Variants in GAB1 observed in about 807,000 individuals in gnomAD.
GAB1 encodes GRB2 associated binding protein 1.
Under a neutral mutation model 66.5 loss-of-function variants are expected in GAB1, and 19 were observed. The observed-to-expected ratio is 0.29, with a 90% CI of 0.20 to 0.42. The LOEUF is 0.42. Ranked by LOEUF, GAB1 falls within the 10% of genes least tolerant of loss-of-function variation. The pLI is 1.00. For synonymous variants in GAB1, 294 were observed against 301.4 expected, an observed-to-expected ratio of 0.98 and a Z score of 0.25; for missense variants, 732 against 858.5, an observed-to-expected ratio of 0.85 and a Z score of 1.84.
intron 2 of GAB1, among the ~76,000 whole-genome samples, chr4:143,420,159 G>A (rs892278257): frequency 6.6e-6 from 1 of 152,016 alleles, no homozygotes; most frequent in East Asian, 1.9e-4. Flanking sequence ...TCTGTCCCAA[G>A]CCTTCTGCTC....
intron 1 of GAB1, among the ~76,000 whole-genome samples, chr4:143,382,599 G>T (rs1730703515): frequency 6.6e-6 from 1 of 152,118 alleles, no homozygotes; most frequent in African/African-American, 2.4e-5. Context: ...CTGTTAGGAG[G>T]TTCCATCATT....
chr4:143,472,970 G>A lies in GAB1; in HGVS notation c.*3781G>A, dbSNP rs1397818284. The A allele has an allele frequency of 6.6e-6, 1 of 152,164 alleles. No individual in the cohort carries two copies. Among genetic ancestry groups the A allele is most frequent in the Admixed American group, 6.5e-5 (1 of 15,274 alleles). The allele number at this position is 152,164 out of a possible 1,614,324, so 9.4% of individuals were successfully genotyped here. ...TGATAGAAATCAATTGTCAGCTTGAGAAAGTTGTTTTTAATCTGTCTAAAT... is the reference window on the plus strand; with the variant it reads ...TGATAGAAATCAATTGTCAGCTTGAAAAAGTTGTTTTTAATCTGTCTAAAT... On this transcript the variant is annotated 3_prime_UTR_variant, in exon 10 of 10. Coordinates refer to ENST00000262994, the MANE Select transcript of GAB1 (RefSeq NM_002039.4).
At chr4:143,422,682 T>G (rs921651159) in intron 2 of GAB1, among the ~76,000 whole-genome samples, 2 of 152,202 alleles carry the variant, frequency 1.3e-5, no homozygotes, top group Non-Finnish European at 2.9e-5. Context: ...TGCATTAGGC[T>G]AGGGGTCATG....
intron 1 of GAB1, among the ~76,000 whole-genome samples, chr4:143,388,187 G>T (rs1731007240): frequency 6.6e-6 from 1 of 151,928 alleles, no homozygotes; most frequent in South Asian, 2.1e-4. Context: ...ACTGCTTTCT[G>T]TGTGGGATTA....
intron 1 of GAB1, among the ~76,000 whole-genome samples, chr4:143,397,394 T>G (rs927808836): frequency 6.6e-6 from 1 of 152,194 alleles, no homozygotes; most frequent in African/African-American, 2.4e-5. Context: ...AACAATTCTT[T>G]TGAGTAGCCC....
At chr4:143,338,843 T>C (rs141267834) in intron 1 of GAB1, among the ~76,000 whole-genome samples, 49 of 152,286 alleles carry the variant, frequency 3.2e-4, no homozygotes, top group African/African-American at 1.2e-3. Flanking sequence ...ACATATTTGC[T>C]GAACGTGAAA....
intron 2 of GAB1, among the ~76,000 whole-genome samples, chr4:143,416,262 G>T (rs1732680267): frequency 6.6e-6 from 1 of 152,020 alleles, no homozygotes; most frequent in Non-Finnish European, 1.5e-5. Flanking sequence ...AAAAAAATTA[G>T]CCGGGCTTGG....
intron 1 of GAB1, among the ~76,000 whole-genome samples, chr4:143,409,406 TCTTTTCATTTAGTCTCA>T (rs1732246603): frequency 7.2e-6 from 1 of 139,422 alleles, no homozygotes; most frequent in Non-Finnish European, 1.5e-5. Flanking sequence ...CGCTCTGAAA[TCTTTTCATTTAGTCTCA>T]GTGGCTGTCT....
intron 1 of GAB1, among the ~76,000 whole-genome samples, chr4:143,384,221 G>C (rs1271698122): frequency 6.6e-6 from 1 of 152,172 alleles, no homozygotes; most frequent in Non-Finnish European, 1.5e-5. Flanking sequence ...TTTATTCTTT[G>C]CTGCATTTCT....
intron 2 of GAB1, among the ~76,000 whole-genome samples, chr4:143,416,238 T>C (rs1732676942): frequency 6.6e-6 from 1 of 151,854 alleles, no homozygotes; most frequent in Non-Finnish European, 1.5e-5. Context: ...ACCCTGTCTC[T>C]ACTAAAAATA....
At position 143,469,114 on chromosome 4, in the gene GAB1, A is replaced by G. The variant is rs775015229; in HGVS notation, c.2010A>G (p.Leu670=). The G allele has an allele frequency of 3.1e-6, 5 of 1,614,040 alleles. No individual in the cohort carries two copies. In the African/African-American group the frequency reaches 4.0e-5, roughly 13 times the overall value. ...TTGACCAACAGAAGACCTTGGCTCT[A>G]AAGAGTACCCGGGAAGCCTGGACAG... ...VVVDQQKTLA[L]KSTREAWTDG... is the part of the protein sequence containing the mutation. The change falls in exon 10 of 10, where the codon CTA becomes CTG. Residue 670 remains leucine, a synonymous_variant. Coordinates refer to ENST00000262994, the MANE Select transcript of GAB1 (RefSeq NM_002039.4).
intron 8 of GAB1, among the ~76,000 whole-genome samples, chr4:143,464,862 T>A (rs1440133692): frequency 1.3e-5 from 2 of 152,220 alleles, no homozygotes; most frequent in Non-Finnish European, 2.9e-5. Context: ...GTTTTTTCTG[T>A]TTAACCTAAG....
At chr4:143,363,361 G>C (rs1298956090) in intron 1 of GAB1, among the ~76,000 whole-genome samples, 2 of 152,216 alleles carry the variant, frequency 1.3e-5, no homozygotes, top group African/African-American at 4.8e-5. Context: ...GGGTGCTGTG[G>C]GCATTGGTGA....
rs939493321 is a variant in GAB1, at chr4:143,349,387, TTCCAGAGG to T, written c.72+12130_72+12137del. ...GGGAGACTTGGTAAATACAGTCTCT[TTCCAGAGG>T]TCAGGGGTCAGATAGCTGTAGGTCT... On this transcript the variant is annotated intron_variant, in intron 1 of 9. Transcript: ENST00000262994. The T allele has an allele frequency of 5.9e-5, 61 of 1,040,702 alleles. No homozygotes were observed. In the Middle Eastern group the frequency reaches 1.2e-3, roughly 20 times the overall value. 64.5% of individuals were successfully genotyped at this position (1,040,702 alleles called of 1,614,324 possible).
chr4:143,465,676 T>C (rs1308111359), intron 8 of GAB1, among the ~76,000 whole-genome samples: 1 of 152,188 alleles, frequency 6.6e-6, no homozygotes, highest in Non-Finnish European at 1.5e-5. Context: ...TCCAGATGAT[T>C]GAAACAAAAT....
Position 143,415,753 on chromosome 4 carries a change from T to C in GAB1, c.349T>C (p.Phe117Leu). 1.2e-6 allele frequency: 2 copies of C among 1,605,294 alleles called. No individual in the cohort carries two copies. Among genetic ancestry groups the C allele is most frequent in the Non-Finnish European group, 1.7e-6 (2 of 1,174,224 alleles). Reference protein sequence around the residue: ...WVRCICDICGFNPTEEDPVKP... With the variant: ...WVRCICDICGLNPTEEDPVKP... Reference sequence around the variant, plus strand: ...TCGTTGTATTTGTGACATCTGTGGGTTTAATCCAACAGAAGAAGGTAAGTT... The same window carrying C: ...TCGTTGTATTTGTGACATCTGTGGGCTTAATCCAACAGAAGAAGGTAAGTT... Residue 117 changes from phenylalanine to leucine, a missense_variant, in exon 2 of 10, where the codon TTT (phenylalanine) becomes CTT (leucine). Transcript: ENST00000262994.
chr4:143,454,368 T>G (rs901052458), intron 6 of GAB1, among the ~76,000 whole-genome samples: 1 of 152,206 alleles, frequency 6.6e-6, no homozygotes, highest in Non-Finnish European at 1.5e-5. Flanking sequence ...AGATGAATCC[T>G]TAGCATTTTA....
rs112693514 is a variant in GAB1, at chr4:143,341,228, A to T, written c.72+3968A>T. 1.8e-3 allele frequency among the ~76,000 whole-genome samples: 276 copies of T among 152,326 alleles called. 1 individual carries two copies. The highest frequency in any genetic ancestry group is 3.5e-3 in the Non-Finnish European group (240 of 68,012). ...TTTACTTTGTTAAGGACCTGATGGAATCATAAACAGATTACTGTCACTAGG... is the reference window on the plus strand; with the variant it reads ...TTTACTTTGTTAAGGACCTGATGGATTCATAAACAGATTACTGTCACTAGG... On this transcript the variant is annotated intron_variant, in intron 1 of 9. Coordinates refer to ENST00000262994, the MANE Select transcript of GAB1 (RefSeq NM_002039.4).
At chr4:143,398,804 A>C (rs1731592718) in intron 1 of GAB1, among the ~76,000 whole-genome samples, 1 of 152,266 alleles carries the variant, frequency 6.6e-6, no homozygotes, top group African/African-American at 2.4e-5. Flanking sequence ...TCACATCTGT[A>C]ATCCCAGCAC....
Sources: gnomAD v4.1 joint callset for allele counts (sites outside exome capture counted in the v4.1 genomes callset) on GRCh38, gnomAD v4.1.1 for gene constraint, MANE v1.5 for transcripts, NCBI Gene and HGNC (gene_info 2026-07-23, HGNC 2026-07-21) for gene names.